The following SCFD2 variants were observed in gnomAD, a reference collection of about 807,000 sequenced individuals.
SCFD2 encodes sec1 family domain containing 2.
In SCFD2, 54 loss-of-function variants were observed where a neutral mutation model predicts 58.9. The ratio of observed to expected loss-of-function variants is 0.92; its 90% CI spans 0.74 to 1.15. The LOEUF is 1.15. Among genes scored for constraint, SCFD2 ranks in the 50% most tolerant of loss-of-function variants. SCFD2 has a pLI of 0.00. For missense variants in SCFD2, 805 were observed against 836.6 expected (o/e 0.96, Z 0.47); for synonymous variants, 321 against 335.9 (o/e 0.96, Z 0.49).
At position 52,882,037 on chromosome 4, in the gene SCFD2, C is replaced by A. The variant is rs2109443086; in HGVS notation, c.1962+3710G>T. Among the ~76,000 whole-genome samples the A allele has an allele frequency of 2.0e-5, 3 of 152,026 alleles. No individual in the cohort carries two copies. The South Asian group carries it at 6.2e-4, about 32-fold the overall frequency. On this transcript the variant is annotated intron_variant, in intron 8 of 8. Transcript: ENST00000401642. ...ATGGTAGAGAGGAGGAGGAGGTGAC[C>A]CTAATTTTCTCTGAGCTGATCAGTC...
intron 5 of SCFD2, among the ~76,000 whole-genome samples, chr4:53,078,585 T>G (rs1017343653): frequency 6.6e-6 from 1 of 152,206 alleles, no homozygotes; most frequent in Non-Finnish European, 1.5e-5. Flanking sequence ...GCGCTAGTAA[T>G]GTTCTAAGTG....
intron 5 of SCFD2, among the ~76,000 whole-genome samples, chr4:53,061,588 T>A (rs531580677): frequency 2.0e-5 from 3 of 152,252 alleles, no homozygotes; most frequent in East Asian, 3.9e-4. Context: ...AGGCCCTTAA[T>A]GTAGATTGAG....
rs535337722 is a variant in SCFD2, at chr4:53,327,167, G to A, written c.1008-13404C>T. On this transcript the variant is annotated intron_variant, in intron 2 of 8. Coordinates refer to ENST00000401642, the MANE Select transcript of SCFD2 (RefSeq NM_152540.4). ...AGCCTGAGAGGGGTGAGCGGGTATC[G>A]TCTTGGGGAGGGTTGGTAGCCGAAT... is the stretch of plus-strand genomic sequence containing the variant. Among the ~76,000 whole-genome samples, 119 of 152,122 alleles carry A rather than the reference G, an allele frequency of 7.8e-4. No homozygotes were observed. The Middle Eastern group carries it at 0.014, about 17-fold the overall frequency.
intron 5 of SCFD2, among the ~76,000 whole-genome samples, chr4:53,012,499 A>G (rs1477403931): frequency 6.6e-6 from 1 of 152,034 alleles, no homozygotes; most frequent in African/African-American, 2.4e-5. Context: ...AGGGCTGGCT[A>G]TTTGGTCCGA....
intron 5 of SCFD2, among the ~76,000 whole-genome samples, chr4:53,118,009 C>T (rs1295842117): frequency 6.6e-6 from 1 of 152,090 alleles, no homozygotes; most frequent in Admixed American, 6.5e-5. Context: ...TTAAGCTGCA[C>T]TCAATTCACC....
chr4:53,080,978 A>AAGTACATCTACTTTAAG (rs1724130843), intron 5 of SCFD2, among the ~76,000 whole-genome samples: 1 of 152,190 alleles, frequency 6.6e-6, no homozygotes, highest in Admixed American at 6.5e-5. Context: ...GTACATCTTA[A>AAGTACATCTACTTTAAG]AGTAGATGAA....
chr4:53,097,415 T>G (rs891401777), intron 5 of SCFD2, among the ~76,000 whole-genome samples: 1 of 152,232 alleles, frequency 6.6e-6, no homozygotes, highest in Non-Finnish European at 1.5e-5. Flanking sequence ...TAGTTCTCCT[T>G]GAAGAGGTCC....
chr4:53,164,706 C>T (rs1726952833), intron 4 of SCFD2, among the ~76,000 whole-genome samples: 1 of 149,168 alleles, frequency 6.7e-6, no homozygotes, highest in Non-Finnish European at 1.5e-5. Flanking sequence ...GCAGGAGAAT[C>T]ACTTGAACCT....
chr4:52,884,169 C>T (rs1473920343), intron 8 of SCFD2, among the ~76,000 whole-genome samples: 1 of 152,192 alleles, frequency 6.6e-6, no homozygotes, highest in Non-Finnish European at 1.5e-5. Flanking sequence ...ACTAGGCCAG[C>T]AAATATGAAG....
At chr4:52,963,471 ATCTT>A (rs1720897047) in intron 5 of SCFD2, among the ~76,000 whole-genome samples, 1 of 152,178 alleles carries the variant, frequency 6.6e-6, no homozygotes, top group Admixed American at 6.5e-5. Flanking sequence ...AAGGCAATGT[ATCTT>A]TCTGAGAGTA....
chr4:52,898,608 G>A (rs1361574916), intron 7 of SCFD2, among the ~76,000 whole-genome samples: 1 of 152,228 alleles, frequency 6.6e-6, no homozygotes, highest in Non-Finnish European at 1.5e-5. Context: ...GTGGTGCGGT[G>A]CTGAAAAGAA....
chr4:53,255,833 G>C (rs1406298426), intron 4 of SCFD2, among the ~76,000 whole-genome samples: 1 of 149,522 alleles, frequency 6.7e-6, no homozygotes, highest in Non-Finnish European at 1.5e-5. Context: ...CAGCTGGCCG[G>C]GCGGGGGGCT....
intron 5 of SCFD2, among the ~76,000 whole-genome samples, chr4:53,102,926 T>G (rs1724871460): frequency 1.3e-5 from 2 of 152,116 alleles, no homozygotes; most frequent in African/African-American, 2.4e-5. Flanking sequence ...GAGTCTATAC[T>G]TATAATAAAT....
intron 3 of SCFD2, among the ~76,000 whole-genome samples, chr4:53,277,824 G>A (rs1453330770): frequency 6.6e-6 from 1 of 152,012 alleles, no homozygotes; most frequent in African/African-American, 2.4e-5. Context: ...AGGCCGAGGC[G>A]GGCAGATCAC....
At chr4:53,362,450 G>A (rs1734572931) in intron 1 of SCFD2, among the ~76,000 whole-genome samples, 1 of 152,194 alleles carries the variant, frequency 6.6e-6, no homozygotes, top group African/African-American at 2.4e-5. Flanking sequence ...GGCCTAAGTG[G>A]TTGCTTGTCT....
At chr4:53,027,065 T>C (rs1395135191) in intron 5 of SCFD2, among the ~76,000 whole-genome samples, 1 of 152,178 alleles carries the variant, frequency 6.6e-6, no homozygotes, top group East Asian at 1.9e-4. Context: ...TTGACCACAT[T>C]ATCAGTGAAC....
At chr4:52,947,077 C>T (rs1037530147) in intron 5 of SCFD2, among the ~76,000 whole-genome samples, 3 of 152,124 alleles carry the variant, frequency 2.0e-5, no homozygotes, top group South Asian at 4.2e-4. Flanking sequence ...CTGCACTGTT[C>T]TTACAGGCTT....
intron 5 of SCFD2, among the ~76,000 whole-genome samples, chr4:52,930,771 A>G (rs536772907): frequency 6.6e-6 from 1 of 152,266 alleles, no homozygotes; most frequent in South Asian, 2.1e-4. Flanking sequence ...TTGGTCATTA[A>G]GTTGTCTATT....
At chr4:53,067,196 T>C (rs1286814407) in intron 5 of SCFD2, among the ~76,000 whole-genome samples, 1 of 152,026 alleles carries the variant, frequency 6.6e-6, no homozygotes, top group African/African-American at 2.4e-5. Context: ...CCTCCTGCTA[T>C]AGGGACCATG....
Sources: gnomAD v4.1 joint callset for allele counts (sites outside exome capture counted in the v4.1 genomes callset) on GRCh38, gnomAD v4.1.1 for gene constraint, MANE v1.5 for transcripts, NCBI Gene and HGNC (gene_info 2026-07-23, HGNC 2026-07-21) for gene names.